ZNF41: variants seen among roughly 807,000 people sequenced by gnomAD.
ZNF41 encodes zinc finger protein 41.
In ZNF41, 6 loss-of-function variants were observed where a neutral mutation model predicts 9.3. The ratio of observed to expected loss-of-function variants is 0.65; its 90% confidence interval spans 0.35 to 1.28. The LOEUF is 1.28. ZNF41 is among the 50% of genes most tolerant of loss of function. The pLI, the probability that ZNF41 is intolerant of heterozygous loss-of-function variation, is 0.03. For missense variants in ZNF41, 523 were observed against 585.8 expected, an observed-to-expected ratio of 0.89 and a Z score of 1.11; for synonymous variants, 192 against 207.1, an observed-to-expected ratio of 0.93 and a Z score of 0.63.
intron 1 of ZNF41, among the ~76,000 whole-genome samples, chrX:47,475,403 A>G (rs994252252): frequency 9.0e-6 from 1 of 111,535 alleles, no homozygotes; most frequent in Non-Finnish European, 1.9e-5. Context: ...CCATTTTAAA[A>G]AAGGCATCAG....
At position 47,459,742 on chromosome X, in the gene ZNF41, TAAAAAAAAAAAAAAAA is replaced by T. The variant is rs768291943; in HGVS notation, c.73-3360_73-3345del. 2.5e-4 allele frequency among the ~76,000 whole-genome samples: 4 copies of T among 16,162 alleles called. No homozygotes were observed. The South Asian group carries it at 0.014, about 58-fold the overall frequency. The allele number at this position is 16,162 out of a possible 115,157, so 14.0% of individuals were successfully genotyped here. The stretch of plus-strand genomic sequence containing the variant: ...CTGGGTGACGGAGCAAGACCCTATC[TAAAAAAAAAAAAAAAA>T]AAAAAAAAAGAAAGAAAGAAAAGAA... On this transcript the variant is annotated intron_variant, in intron 2 of 4. Coordinates refer to ENST00000684689, the MANE Select transcript of ZNF41 (RefSeq NM_001324144.2).
chrX:47,455,010 C>A (rs1031078049), intron 4 of ZNF41, among the ~76,000 whole-genome samples: 2 of 110,533 alleles, frequency 1.8e-5, no homozygotes, highest in Non-Finnish European at 3.8e-5. Flanking sequence ...CTTTGGGAGG[C>A]TGAGGCGGGC....
Position 47,462,970 on chromosome X carries a change from T to C in ZNF41, c.72+4440A>G, listed in dbSNP as rs760844333. Among the ~76,000 whole-genome samples the C allele has an allele frequency of 2.7e-3, 283 of 103,512 alleles. 1 individual carries two copies. The highest frequency in any genetic ancestry group is 4.0e-3 in the Non-Finnish European group (203 of 50,476). The allele number at this position is 103,512 out of a possible 115,157, so 89.9% of individuals were successfully genotyped here. ...ATACACACACACACACACACACATATGTGTACACACACACACACACACATA... is the reference window on the plus strand; with the variant it reads ...ATACACACACACACACACACACATACGTGTACACACACACACACACACATA... On this transcript the variant is annotated intron_variant, in intron 2 of 4. Coordinates refer to ENST00000684689, the MANE Select transcript of ZNF41 (RefSeq NM_001324144.2).
chrX:47,453,969 G>A (rs1313147318), intron 4 of ZNF41, among the ~76,000 whole-genome samples: 2 of 111,379 alleles, frequency 1.8e-5, no homozygotes, highest in Non-Finnish European at 3.8e-5. Flanking sequence ...CTACTCAGGA[G>A]GCTGAGGCAG....
chrX:47,471,170 C>T (rs767820801), intron 1 of ZNF41, among the ~76,000 whole-genome samples: 28 of 111,171 alleles, frequency 2.5e-4, no homozygotes, highest in Non-Finnish European at 4.7e-4. Context: ...TACGCATGGC[C>T]GGGCACAGTG....
At chrX:47,474,112 A>G (rs1051735179) in intron 1 of ZNF41, among the ~76,000 whole-genome samples, 1 of 112,526 alleles carries the variant, frequency 8.9e-6, no homozygotes, top group African/African-American at 3.2e-5. Context: ...TTATCGTTCT[A>G]GCAACAGTTT....
chrX:47,472,474 C>G (rs1450297933), intron 1 of ZNF41, among the ~76,000 whole-genome samples: 1 of 81,033 alleles, frequency 1.2e-5, no homozygotes, highest in Non-Finnish European at 2.2e-5. Context: ...GAGTCTCACT[C>G]TGTCTCCAGC....
intron 4 of ZNF41, among the ~76,000 whole-genome samples, chrX:47,452,752 T>C (rs778529077): frequency 1.8e-5 from 2 of 112,088 alleles, no homozygotes; most frequent in South Asian, 7.4e-4. Context: ...CCACCACACC[T>C]AGCTAATTTT....
At chrX:47,463,373 G>A (rs1371479528) in intron 2 of ZNF41, among the ~76,000 whole-genome samples, 1 of 111,006 alleles carries the variant, frequency 9.0e-6, no homozygotes, top group Non-Finnish European at 1.9e-5. Flanking sequence ...GCCCAGGAAT[G>A]TTCCTGTTCT....
intron 1 of ZNF41, among the ~76,000 whole-genome samples, chrX:47,481,311 C>T (rs1442291614): frequency 1.8e-5 from 2 of 111,091 alleles, no homozygotes; most frequent in Non-Finnish European, 3.8e-5. Flanking sequence ...GGCAAGCCTG[C>T]CTGTAGTCCT....
At chrX:47,482,754 C>T (rs1464441088) in intron 1 of ZNF41, 1 of 113,154 alleles carries the variant, frequency 8.8e-6, no homozygotes, top group Non-Finnish European at 1.9e-5. Flanking sequence ...GCCCGCGGTC[C>T]CCTACTCGAT....
At chrX:47,466,142 T>C (rs1409705751) in intron 2 of ZNF41, among the ~76,000 whole-genome samples, 1 of 111,455 alleles carries the variant, frequency 9.0e-6, no homozygotes, top group Admixed American at 9.6e-5. Flanking sequence ...TTTTTTAGTT[T>C]CTTCTATTTG....
chrX:47,461,040 A>G (rs2056765698), intron 2 of ZNF41, among the ~76,000 whole-genome samples: 1 of 111,561 alleles, frequency 9.0e-6, no homozygotes, highest in South Asian at 3.7e-4. Flanking sequence ...TCAGTATTCA[A>G]TATATGTACA....
intron 1 of ZNF41, among the ~76,000 whole-genome samples, chrX:47,474,902 C>T (rs1410965126): frequency 2.1e-5 from 2 of 97,016 alleles, no homozygotes; most frequent in Non-Finnish European, 4.1e-5. Flanking sequence ...AAGAGTAGGC[C>T]GGGCACAGTT....
chrX:47,456,189 A>T lies in ZNF41; in HGVS notation c.199+83T>A, dbSNP rs2056555628. 3.1e-5 allele frequency: 35 copies of T among 1,134,725 alleles called. No homozygotes were observed. The South Asian group carries it at 4.7e-4, about 15-fold the overall frequency. The allele number at this position is 1,134,725 out of a possible 1,213,427, so 93.5% of individuals were successfully genotyped here. A position where few individuals can be genotyped will look rare whatever the true frequency, so the allele number is the denominator to read the frequency against. ...CAGACAAATCCAGGATGACACCATC[A>T]CATAGGTTAGGTGTCGGGCAGCACT... is the stretch of plus-strand genomic sequence containing the variant. On this transcript the variant is annotated intron_variant, in intron 3 of 4. Coordinates refer to ENST00000684689, the MANE Select transcript of ZNF41 (RefSeq NM_001324144.2).
intron 2 of ZNF41, among the ~76,000 whole-genome samples, chrX:47,464,679 A>G (rs6520270): frequency 0.27 from 29,794 of 110,409 alleles, 3,043 homozygotes; most frequent in South Asian, 0.41. Flanking sequence ...AGAAATCCCT[A>G]CTATTGGCTG....
chrX:47,455,962 G>A lies in ZNF41; in HGVS notation c.254C>T (p.Pro85Leu). ...TGGGGCTTCCCCCTCCAGCATCCAT[G>A]GCCCCTCTCCTTGCTCCAACTTGAA... Reference protein sequence around the residue: ...AAFKLEQGEGPWMLEGEAPHQ... With the variant: ...AAFKLEQGEGLWMLEGEAPHQ... Residue 85 changes from proline (P) to leucine (L), a missense_variant, in exon 4 of 5, where the codon CCA becomes CTA. Coordinates refer to ENST00000684689, the MANE Select transcript of ZNF41 (RefSeq NM_001324144.2). 8.3e-7 allele frequency: 1 copy of A among 1,211,631 alleles called. No homozygotes were observed.
rs2057036299 is a variant in ZNF41 at position 47,467,657 on chromosome X, G to A, written c.-176C>T. On this transcript the variant is annotated 5_prime_UTR_variant, in exon 2 of 5. Transcript: ENST00000684689. ...AAGCCTGGCCCCCAGACTCTGCAGA[G>A]GCTCCAAGAAACCCTGGAAAGACAG... 3 of 496,113 alleles carry A rather than the reference G, an allele frequency of 6.0e-6. No individual in the cohort carries two copies. In the Admixed American group the frequency reaches 1.1e-4, roughly 18 times the overall value. 40.9% of individuals were successfully genotyped at this position (496,113 alleles called of 1,213,427 possible). A position where few individuals can be genotyped will look rare whatever the true frequency, so the allele number is the denominator to read the frequency against.
rs201465358 is a variant in ZNF41, at chrX:47,447,910, C to T, written c.1860G>A (p.Ser620=). Residue 620 remains serine (S), a synonymous_variant, in exon 5 of 5, where the codon TCG becomes TCA. Transcript: ENST00000684689. ...GGATTCTATGATGCGCAATGAAGTG[C>T]GATTTCTGGATAAAGGCCTTCCCGC... ...PECGKAFIQK[S]HFIAHHRIHT... 2.5e-5 allele frequency: 30 copies of T among 1,209,380 alleles called. No homozygotes were observed. Among genetic ancestry groups the T allele is most frequent in the Middle Eastern group, 2.3e-4 (1 of 4,343 alleles).
Sources: gnomAD v4.1 joint callset for allele counts (sites outside exome capture counted in the v4.1 genomes callset) on GRCh38, gnomAD v4.1.1 for gene constraint, MANE v1.5 for transcripts, NCBI Gene and HGNC (gene_info 2026-07-23, HGNC 2026-07-21) for gene names.